HECA: variants seen among roughly 807,000 people sequenced by gnomAD.
HECA encodes HECA ribonucleoprotein granule regulator.
HECA carries 13 observed loss-of-function variants against 37.6 expected under a neutral mutation model. The ratio of observed to expected loss-of-function variants is 0.35; its 90% CI spans 0.23 to 0.55. HECA has a LOEUF of 0.55. HECA is among the 20% of genes least tolerant of loss of function. HECA has a pLI of 0.90. For missense variants in HECA, 527 were observed against 701.9 expected (o/e 0.75, Z 2.82); for synonymous variants, 307 against 291.5 (o/e 1.05, Z -0.54).
intron 2 of HECA, chr6:139,170,499 G>A (rs2114483480): frequency 6.6e-6 from 1 of 152,302 alleles, no homozygotes; most frequent in Non-Finnish European, 1.5e-5. Context: ...ATGTCAAAAG[G>A]TGGACTGGAT....
At chr6:139,170,622 G>A (rs1014156635) in intron 2 of HECA, 3 of 152,326 alleles carry the variant, frequency 2.0e-5, no homozygotes, top group African/African-American at 7.2e-5. Flanking sequence ...TGAGGAGCTA[G>A]GGAGAGAACT....
chr6:139,150,472 GC>G (rs1489925867), intron 1 of HECA, among the ~76,000 whole-genome samples: 1 of 94,720 alleles, frequency 1.1e-5, no homozygotes, highest in Non-Finnish European at 2.4e-5. Context: ...TGAGAGTGGG[GC>G]TAAAAAAAAA....
chr6:139,145,111 C>A (rs537795476), intron 1 of HECA, among the ~76,000 whole-genome samples: 3 of 152,264 alleles, frequency 2.0e-5, no homozygotes, highest in Non-Finnish European at 2.9e-5. Flanking sequence ...CAACATCTTA[C>A]CAGTTTTTAA....
chr6:139,156,159 A>ATTAT (rs35182701), intron 1 of HECA, among the ~76,000 whole-genome samples: 1 of 151,216 alleles, frequency 6.6e-6, no homozygotes, highest in Non-Finnish European at 1.5e-5. Context: ...TTGTATTATT[A>ATTAT]TTTTTTACAT....
rs1028074778 is a variant in HECA at position 139,177,283 on chromosome 6, A to G, written c.*178A>G. On this transcript the variant is annotated 3_prime_UTR_variant, in exon 4 of 4. Transcript: ENST00000367658. The surrounding 1 kb of genome is among the most constrained non-coding windows in gnomAD (Gnocchi z 4.9). The stretch of plus-strand genomic sequence containing the variant: ...GCCCTGTCTTGATTCCCGAGTGTTA[A>G]TCTGTGGTTTTGACCAGAGCCCAGA... 1.8e-5 allele frequency: 9 copies of G among 487,758 alleles called. No individual in the cohort carries two copies. Among genetic ancestry groups the G allele is most frequent in the Non-Finnish European group, 2.9e-5 (8 of 271,878 alleles). The allele number at this position is 487,758 out of a possible 1,614,324, so 30.2% of individuals were successfully genotyped here.
intron 1 of HECA, among the ~76,000 whole-genome samples, chr6:139,141,995 C>T (rs1244422621): frequency 1.4e-5 from 2 of 141,652 alleles, no homozygotes; most frequent in African/African-American, 5.4e-5. Context: ...GGTGTGATCT[C>T]GTCTCACTGC....
At chr6:139,148,772 A>T (rs561174650) in intron 1 of HECA, among the ~76,000 whole-genome samples, 8 of 152,194 alleles carry the variant, frequency 5.3e-5, no homozygotes, top group Admixed American at 1.3e-4. Flanking sequence ...TCTCCAAAAA[A>T]AAAAAATTGG....
Position 139,177,879 on chromosome 6 carries a change from A to G in HECA, c.*774A>G, listed in dbSNP as rs1363888518. ...TTAAGGAGAACCCATGAATAACCTG[A>G]TTTGGGCAGTGATGATTTATTACAG... On this transcript the variant is annotated 3_prime_UTR_variant, in exon 4 of 4. Transcript: ENST00000367658. This position sits in a 1 kb window ranked among gnomAD's most constrained non-coding sequence, Gnocchi z 4.9. 6.6e-6 allele frequency: 1 copy of G among 152,188 alleles called. No individual in the cohort carries two copies. The highest frequency in any genetic ancestry group is 1.5e-5 in the Non-Finnish European group (1 of 68,028). 9.4% of individuals were successfully genotyped at this position (152,188 alleles called of 1,614,324 possible).
chr6:139,149,710 T>C (rs1224562864), intron 1 of HECA, among the ~76,000 whole-genome samples: 1 of 152,144 alleles, frequency 6.6e-6, no homozygotes, highest in African/African-American at 2.4e-5. Flanking sequence ...TAGTATTCAT[T>C]CTCCTGCCGG....
rs1775100587 is a variant in HECA, at chr6:139,179,293, AC to A, written c.*2191del. 6.6e-6 allele frequency: 1 copy of A among 152,154 alleles called. No homozygotes were observed. Among genetic ancestry groups the A allele is most frequent in the South Asian group, 2.1e-4 (1 of 4,828 alleles). The allele number at this position is 152,154 out of a possible 1,614,324, so 9.4% of individuals were successfully genotyped here. On this transcript the variant is annotated 3_prime_UTR_variant, in exon 4 of 4. Transcript: ENST00000367658. ...AAAATATTTATGATGCTGATCTTTA[AC>A]CCACCTAAAATTTTATAGTGAAACC...
Position 139,174,465 on chromosome 6 carries a change from C to T in HECA, c.1393C>T (p.Arg465Trp), listed in dbSNP as rs1775022609. 1.2e-6 allele frequency: 2 copies of T among 1,613,906 alleles called. No homozygotes were observed. The highest frequency in any genetic ancestry group is 1.7e-6 in the Non-Finnish European group (2 of 1,179,976). Residue 465 changes from arginine to tryptophan, a missense_variant, in exon 3 of 4, where the codon CGG becomes TGG. Transcript: ENST00000367658. ...GATCATCTGCATCAAGTGTAAGTCA[C>T]GGTGGGATGGCAGCTGGCACCAGCT... ...HKIICIKCKS[R>W]WDGSWHQLGT...
chr6:139,136,784 G>A (rs535147031), intron 1 of HECA, among the ~76,000 whole-genome samples: 38 of 152,144 alleles, frequency 2.5e-4, no homozygotes, highest in Admixed American at 2.2e-3. Flanking sequence ...ACAGGCGCCC[G>A]CCACCACGCC....
At position 139,178,094 on chromosome 6, in the gene HECA, A is replaced by G. The variant is rs1420454272; in HGVS notation, c.*989A>G. 6.6e-6 allele frequency: 1 copy of G among 152,140 alleles called. No homozygotes were observed. Among genetic ancestry groups the G allele is most frequent in the Non-Finnish European group, 1.5e-5 (1 of 68,004 alleles). The allele number at this position is 152,140 out of a possible 1,614,324, so 9.4% of individuals were successfully genotyped here. A position where few individuals can be genotyped will look rare whatever the true frequency, so the allele number is the denominator to read the frequency against. Reference sequence around the variant, plus strand: ...AAGATTTGACCTTAAGAGGGAAGGGAAAAAAGTGTGAAAGGATGATGAAGA... The same window carrying G: ...AAGATTTGACCTTAAGAGGGAAGGGGAAAAAGTGTGAAAGGATGATGAAGA... On this transcript the variant is annotated 3_prime_UTR_variant, in exon 4 of 4. Transcript: ENST00000367658.
At chr6:139,137,000 G>A (rs1352553516) in intron 1 of HECA, among the ~76,000 whole-genome samples, 2 of 152,178 alleles carry the variant, frequency 1.3e-5, no homozygotes, top group Non-Finnish European at 1.5e-5. Flanking sequence ...GAACATAGGC[G>A]GCTGAATGTC....
At chr6:139,172,403 C>T (rs1774986913) in intron 2 of HECA, among the ~76,000 whole-genome samples, 1 of 152,210 alleles carries the variant, frequency 6.6e-6, no homozygotes, top group Non-Finnish European at 1.5e-5. Context: ...ACTACTCCCT[C>T]GCCCTGCCCT....
chr6:139,164,048 T>TCACA (rs879793262), intron 1 of HECA, among the ~76,000 whole-genome samples: 3 of 142,644 alleles, frequency 2.1e-5, no homozygotes, highest in East Asian at 1.9e-4. Context: ...GCATGGACTC[T>TCACA]CACACACACA....
At position 139,135,587 on chromosome 6, in the gene HECA, C is replaced by T; in HGVS notation, c.191C>T (p.Ala64Val). 2 of 955,856 alleles carry T rather than the reference C, an allele frequency of 2.1e-6. No homozygotes were observed. The highest frequency in any genetic ancestry group is 2.5e-6 in the Non-Finnish European group (2 of 810,708). The allele number at this position is 955,856 out of a possible 1,614,324, so 59.2% of individuals were successfully genotyped here. A position where few individuals can be genotyped will look rare whatever the true frequency, so the allele number is the denominator to read the frequency against. The change falls in exon 1 of 4, where the codon GCG becomes GTG. Residue 64 changes from alanine to valine, a missense_variant. By Grantham distance (64) the Ala-to-Val change is moderately conservative. Coordinates refer to ENST00000367658, the MANE Select transcript of HECA (RefSeq NM_016217.3). ...AAGAPGAGGA[A>V]GAGGAGTGAA... Reference sequence around the variant, plus strand: ...GGCGCGCCGGGCGCCGGAGGCGCGGCGGGCGCCGGAGGCGCGGGGACTGGC... The same window carrying T: ...GGCGCGCCGGGCGCCGGAGGCGCGGTGGGCGCCGGAGGCGCGGGGACTGGC...
In HECA at chr6:139,166,663, G is replaced by A; in HGVS notation, c.651G>A (p.Glu217=). The change falls in exon 2 of 4, where the codon GAG becomes GAA. Residue 217 remains glutamate, a synonymous_variant. Transcript: ENST00000367658. ...SEKNTGRPPG[E]AAEEAKKCRP... ...AGAACACAGGGAGGCCTCCTGGTGA[G>A]GCGGCGGAGGAGGCAAAAAAGTGCA... 6.2e-7 allele frequency: 1 copy of A among 1,614,038 alleles called. No homozygotes were observed. Among genetic ancestry groups the A allele is most frequent in the Non-Finnish European group, 8.5e-7 (1 of 1,179,970 alleles).
intron 1 of HECA, among the ~76,000 whole-genome samples, chr6:139,154,235 A>G (rs1368158666): frequency 6.6e-6 from 1 of 152,300 alleles, no homozygotes; most frequent in East Asian, 1.9e-4. Flanking sequence ...TTTTTTTTCC[A>G]TGAATATTTT....
Sources: allele counts gnomAD v4.1 joint callset (sites outside exome capture counted in the v4.1 genomes callset), GRCh38; gene constraint gnomAD v4.1.1; non-coding constraint Gnocchi (gnomAD v3.1); transcripts MANE v1.5; gene names NCBI Gene and HGNC (gene_info 2026-07-23, HGNC 2026-07-21).